ARL15: variants seen among roughly 807,000 people sequenced by gnomAD.
The protein encoded by ARL15 is ADP-ribosylation factor-like protein 15.
Under a neutral mutation model 25.2 loss-of-function variants are expected in ARL15, and 19 were observed. The ratio of observed to expected loss-of-function variants is 0.75; its 90% CI spans 0.53 to 1.10. The LOEUF (loss-of-function observed/expected upper bound fraction) is 1.10. ARL15 is among the 50% of genes least tolerant of loss of function. ARL15 has a pLI of 0.00. For synonymous variants in ARL15, 94 were observed against 86.8 expected (o/e 1.08, Z -0.46); for missense variants, 220 against 246.0 (o/e 0.89, Z 0.71).
chr5:53,901,665 G>T (rs1431084835), intron 4 of ARL15, among the ~76,000 whole-genome samples: 1 of 150,366 alleles, frequency 6.7e-6, no homozygotes, highest in African/African-American at 2.5e-5. Context: ...GAAATGGCTA[G>T]GTGGGTGGGA....
At chr5:53,954,201 T>C (rs552695212) in intron 4 of ARL15, among the ~76,000 whole-genome samples, 3 of 152,144 alleles carry the variant, frequency 2.0e-5, no homozygotes, top group African/African-American at 7.2e-5. Context: ...CATCCTTTAG[T>C]CTGGATAAAA....
chr5:54,138,303 C>G (rs1384111898), intron 3 of ARL15, among the ~76,000 whole-genome samples: 1 of 151,838 alleles, frequency 6.6e-6, no homozygotes, highest in Non-Finnish European at 1.5e-5. Context: ...CATAGTGAGA[C>G]CCCATCTCTA....
chr5:53,941,840 G>T (rs1313235471), intron 4 of ARL15, among the ~76,000 whole-genome samples: 4 of 151,970 alleles, frequency 2.6e-5, no homozygotes, highest in African/African-American at 9.7e-5. Flanking sequence ...CTCTCTACAG[G>T]GTGCTCACCT....
chr5:54,141,066 T>C (rs1370195257), intron 3 of ARL15, among the ~76,000 whole-genome samples: 1 of 152,170 alleles, frequency 6.6e-6, no homozygotes. Flanking sequence ...TATATCACTA[T>C]GGTTTTGAGT....
chr5:54,143,627 A>C (rs896881039), intron 3 of ARL15, among the ~76,000 whole-genome samples: 5 of 151,676 alleles, frequency 3.3e-5, no homozygotes, highest in Admixed American at 2.0e-4. Context: ...TGATTGTTTT[A>C]TTTCTTTCTT....
At chr5:54,059,996 A>G (rs550829241) in intron 4 of ARL15, among the ~76,000 whole-genome samples, 1 of 152,134 alleles carries the variant, frequency 6.6e-6, no homozygotes, top group South Asian at 2.1e-4. Context: ...ATCATGTTCT[A>G]TACTGATACG....
chr5:54,236,731 C>A (rs2112566606), intron 1 of ARL15, among the ~76,000 whole-genome samples: 1 of 152,244 alleles, frequency 6.6e-6, no homozygotes, highest in African/African-American at 2.4e-5. Flanking sequence ...TAAACAAAAT[C>A]CTTCTTTTCT....
chr5:54,052,859 C>G (rs1363319830), intron 4 of ARL15, among the ~76,000 whole-genome samples: 1 of 151,984 alleles, frequency 6.6e-6, no homozygotes, highest in East Asian at 1.9e-4. Flanking sequence ...TTCCATTTTC[C>G]AATGACCAGG....
At chr5:53,971,517 A>G (rs1382985565) in intron 4 of ARL15, among the ~76,000 whole-genome samples, 1 of 152,214 alleles carries the variant, frequency 6.6e-6, no homozygotes, top group Non-Finnish European at 1.5e-5. Flanking sequence ...TTCAGGTTAT[A>G]TGACTAGAAA....
intron 4 of ARL15, among the ~76,000 whole-genome samples, chr5:53,968,288 T>C (rs1026475437): frequency 1.3e-5 from 2 of 152,210 alleles, no homozygotes; most frequent in African/African-American, 4.8e-5. Context: ...TATCTAATTT[T>C]TTGCTCTTAA....
intron 4 of ARL15, among the ~76,000 whole-genome samples, chr5:54,020,498 A>G (rs1205900983): frequency 6.6e-6 from 1 of 152,224 alleles, no homozygotes; most frequent in African/African-American, 2.4e-5. Flanking sequence ...ATCCAACCCC[A>G]TTGAACAAGT....
chr5:53,887,115 C>T (rs986434034), intron 4 of ARL15, among the ~76,000 whole-genome samples: 15 of 152,194 alleles, frequency 9.9e-5, no homozygotes, highest in African/African-American at 1.9e-4. Context: ...AAATGGGTGA[C>T]GACTTACAGT....
At chr5:54,131,983 G>A (rs570827780) in intron 3 of ARL15, among the ~76,000 whole-genome samples, 1 of 152,066 alleles carries the variant, frequency 6.6e-6, no homozygotes, top group East Asian at 1.9e-4. Context: ...GAAAAAGTAT[G>A]ATTATTTATA....
At chr5:54,172,827 C>A (rs1441393747) in intron 1 of ARL15, among the ~76,000 whole-genome samples, 1 of 152,190 alleles carries the variant, frequency 6.6e-6, no homozygotes, top group East Asian at 1.9e-4. Context: ...AGTCTCTATA[C>A]ATACCACTGC....
intron 4 of ARL15, among the ~76,000 whole-genome samples, chr5:53,991,157 G>A (rs1465539960): frequency 6.6e-6 from 1 of 152,104 alleles, no homozygotes; most frequent in African/African-American, 2.4e-5. Context: ...TGTTATACTT[G>A]GTAGGGAATA....
chr5:54,175,672 T>C (rs1355390816), intron 1 of ARL15, among the ~76,000 whole-genome samples: 2 of 142,038 alleles, frequency 1.4e-5, no homozygotes, highest in Admixed American at 1.4e-4. Flanking sequence ...TTTTTTTTTT[T>C]AAGACAGTCT....
chr5:53,977,947 A>C (rs1180914788), intron 4 of ARL15, among the ~76,000 whole-genome samples: 1 of 151,938 alleles, frequency 6.6e-6, no homozygotes, highest in East Asian at 1.9e-4. Flanking sequence ...TGCACCACTT[A>C]AATGGAAGGT....
At chr5:54,274,697 G>C (rs925274409) in intron 1 of ARL15, among the ~76,000 whole-genome samples, 3 of 152,102 alleles carry the variant, frequency 2.0e-5, no homozygotes, top group Non-Finnish European at 4.4e-5. Context: ...AGGAGTTCAA[G>C]ACCAGCCTGA....
At chr5:53,899,347 CAAAAAAAAAAAAAAAAAAAAAA>C (rs59145507) in intron 4 of ARL15, among the ~76,000 whole-genome samples, 34 of 89,378 alleles carry the variant, frequency 3.8e-4, no homozygotes, top group South Asian at 3.8e-3. Flanking sequence ...GACTCTATCC[CAAAAAAAAAAAAAAAAAAAAAA>C]AAAAAAAAAA....
Sources: gnomAD v4.1 joint callset for allele counts (sites outside exome capture counted in the v4.1 genomes callset) on GRCh38, gnomAD v4.1.1 for gene constraint, MANE v1.5 for transcripts, NCBI Gene and HGNC (gene_info 2026-07-23, HGNC 2026-07-21) for gene names.